The following GART variants were observed in gnomAD, a reference collection of about 807,000 sequenced individuals.
GART encodes trifunctional purine biosynthetic protein adenosine-3.
In GART, 43 loss-of-function variants were observed where a neutral mutation model predicts 107.2. That is an observed-to-expected ratio of 0.40 (90% confidence interval 0.31 to 0.52). The LOEUF is 0.52. GART is among the 20% of genes least tolerant of loss of function. The pLI is 0.52. For synonymous variants in GART, 434 were observed against 427.0 expected (o/e 1.02, Z -0.20); for missense variants, 1,107 against 1,206.5 (o/e 0.92, Z 1.22).
At chr21:33,538,209 A>G (rs1018422982) in intron 2 of GART, among the ~76,000 whole-genome samples, 2 of 138,702 alleles carry the variant, frequency 1.4e-5, no homozygotes, top group Non-Finnish European at 3.0e-5. Flanking sequence ...ACGCTACTGC[A>G]CTCCAGTATG....
chr21:33,522,049 G>C, intron 12 of GART, 139 bp downstream of exon 12: 1 of 578,542 alleles, frequency 1.7e-6, no homozygotes, highest in East Asian at 2.8e-5. Flanking sequence ...GAAAGCAGAA[G>C]ACTGGGTTTG....
chr21:33,522,905 A>G (rs574413443), intron 11 of GART, among the ~76,000 whole-genome samples: 1 of 152,258 alleles, frequency 6.6e-6, no homozygotes, highest in Non-Finnish European at 1.5e-5. Flanking sequence ...AAGTCAAAAA[A>G]GTGAAAATTA....
intron 8 of GART, 25 bp from the exon 9 acceptor site, chr21:33,528,629 A>G: frequency 2.0e-6 from 3 of 1,466,526 alleles, no homozygotes; most frequent in Non-Finnish European, 2.8e-6. Flanking sequence ...AAAAAAAAAA[A>G]AAAGAGAGAA....
chr21:33,522,372 G>T, intron 11 of GART, 90 bp from the exon 12 acceptor site: 2 of 1,003,530 alleles, frequency 2.0e-6, no homozygotes, highest in Non-Finnish European at 1.5e-6. Flanking sequence ...TATCCCAAGT[G>T]ATTTTCACAT....
intron 1 of GART, among the ~76,000 whole-genome samples, chr21:33,540,195 C>T (rs1198099450): frequency 2.0e-5 from 3 of 152,148 alleles, no homozygotes; most frequent in Admixed American, 2.0e-4. Context: ...ATCAATGTGC[C>T]AATGTCCAGA....
chr21:33,515,652 C>CAAAAAAAAAAAAAAAAAAAAAAAAGA (rs71194850), intron 16 of GART, among the ~76,000 whole-genome samples: 7 of 35,866 alleles, frequency 2.0e-4, no homozygotes, highest in East Asian at 1.9e-3. Flanking sequence ...GACTCCAACT[C>CAAAAAAAAAAAAAAAAAAAAAAAAGA]AAAAAAAAAA....
intron 18 of GART, among the ~76,000 whole-genome samples, chr21:33,508,136 TTAGGATATGTAATTGCTCC>T (rs1367611170): frequency 5.3e-5 from 8 of 152,302 alleles, no homozygotes; most frequent in Non-Finnish European, 8.8e-5. Flanking sequence ...ACGACGTGGT[TTAGGATATGTAATTGCTCC>T]TAGGATATGT....
intron 10 of GART, among the ~76,000 whole-genome samples, chr21:33,525,331 G>C (rs1020981392): frequency 6.6e-6 from 1 of 152,082 alleles, no homozygotes; most frequent in Admixed American, 6.6e-5. Flanking sequence ...AGGTGTGATC[G>C]CACCACTGCT....
At chr21:33,519,188 C>A (rs2084927131) in intron 14 of GART, 1 of 186,542 alleles carries the variant, frequency 5.4e-6, no homozygotes, top group Non-Finnish European at 1.1e-5. Context: ...CCTGGGTAGA[C>A]CAGCTGAGAT....
chr21:33,534,788 G>A (rs1052004284), intron 3 of GART, 35 bp from the exon 4 acceptor site: 4 of 1,518,082 alleles, frequency 2.6e-6, no homozygotes, highest in African/African-American at 2.8e-5. Flanking sequence ...GGTGAACCAA[G>A]GTCTCCCCAG....
At chr21:33,538,171 G>A (rs1392389975) in intron 2 of GART, among the ~76,000 whole-genome samples, 2 of 146,178 alleles carry the variant, frequency 1.4e-5, no homozygotes, top group Admixed American at 7.1e-5. Flanking sequence ...TTTAACTCAG[G>A]AGCCAGAGGT....
intron 5 of GART, chr21:33,532,052 T>G: frequency 3.1e-6 from 1 of 322,106 alleles, no homozygotes; most frequent in East Asian, 6.8e-5. Context: ...TTTGTCCTCA[T>G]GGATGGCTTG....
intron 19 of GART, 94 bp from the exon 20 acceptor site, chr21:33,505,796 G>A: frequency 7.4e-7 from 1 of 1,344,574 alleles, no homozygotes; most frequent in Non-Finnish European, 1.0e-6. Context: ...TCACTTCCTT[G>A]TAAAGATATA....
chr21:33,516,411 G>A (rs901907186), intron 16 of GART, among the ~76,000 whole-genome samples: 7 of 151,972 alleles, frequency 4.6e-5, no homozygotes, highest in Non-Finnish European at 8.8e-5. Context: ...CTATTACTAC[G>A]TGCAAATAAT....
chr21:33,515,435 A>G lies in GART; in HGVS notation c.2107+1554T>C, dbSNP rs536753490. On this transcript the variant is annotated intron_variant, in intron 16 of 21. Transcript: ENST00000381815. ...GGCGGGTGGATCATGAGGTCAAGAG[A>G]TTGAGACCATCCTGGCCAACACGGT... Among the ~76,000 whole-genome samples the G allele has an allele frequency of 5.9e-5, 9 of 152,194 alleles. No individual in the cohort carries two copies. The East Asian group carries it at 1.7e-3, about 29-fold the overall frequency.
chr21:33,518,667 A>G (rs1363770141), intron 14 of GART: 2 of 433,230 alleles, frequency 4.6e-6, no homozygotes, highest in Non-Finnish European at 9.1e-6. Context: ...TCAGAAGTTG[A>G]CTCAATTCAG....
At position 33,528,632 on chromosome 21, in the gene GART, AG is replaced by A. The variant is rs1555893470; in HGVS notation, c.812-29del. 8,588 of 1,416,790 alleles carry A rather than the reference AG, an allele frequency of 6.1e-3. 341 individuals are homozygous for A. In the African/African-American group the frequency reaches 0.12, roughly 19 times the overall value. 87.8% of individuals were successfully genotyped at this position (1,416,790 alleles called of 1,614,324 possible). On this transcript the variant is annotated intron_variant, in intron 8 of 21. Coordinates refer to ENST00000381815, the MANE Select transcript of GART (RefSeq NM_000819.5). ...TCATTAAAAAAGAAAAAAAAAAAAAAGAGAGAAAGAAAATCTATGATGAAGA... is the reference window on the plus strand; with the variant it reads ...TCATTAAAAAAGAAAAAAAAAAAAAAAGAGAAAGAAAATCTATGATGAAGA...
At chr21:33,512,785 G>T (rs1287278572) in intron 16 of GART, among the ~76,000 whole-genome samples, 1 of 151,658 alleles carries the variant, frequency 6.6e-6, no homozygotes, top group African/African-American at 2.4e-5. Context: ...GAGAGACAGG[G>T]TCTTACCATG....
intron 12 of GART, among the ~76,000 whole-genome samples, chr21:33,521,330 T>C (rs866211200): frequency 1.3e-5 from 2 of 151,986 alleles, no homozygotes; most frequent in Non-Finnish European, 2.9e-5. Flanking sequence ...GCTCAAAGAA[T>C]TGATTAAGAA....
Sources: gnomAD v4.1 joint callset for allele counts (sites outside exome capture counted in the v4.1 genomes callset) on GRCh38, gnomAD v4.1.1 for gene constraint, MANE v1.5 for transcripts, NCBI Gene and HGNC (gene_info 2026-07-23, HGNC 2026-07-21) for gene names.